Variants in SLC18A1 observed in about 807,000 individuals in gnomAD.
SLC18A1 encodes solute carrier family 18 member A1.
A neutral mutation model predicts 53.7 loss-of-function variants in SLC18A1; 69 were observed. That is an observed-to-expected ratio of 1.28 (90% CI 1.06 to 1.57). SLC18A1 has a LOEUF of 1.57. Ranked by LOEUF, SLC18A1 falls within the 40% of genes most tolerant of loss-of-function variation. SLC18A1 has a pLI of 0.00. For missense variants in SLC18A1, 932 were observed against 668.1 expected, an observed-to-expected ratio of 1.40 and a Z score of -4.35; for synonymous variants, 320 against 248.1, an observed-to-expected ratio of 1.29 and a Z score of -2.72.
chr8:20,176,889 T>C (rs11987726), intron 4 of SLC18A1, among the ~76,000 whole-genome samples: 43,815 of 152,140 alleles, frequency 0.29, 7,118 homozygotes, highest in Non-Finnish European at 0.38. Flanking sequence ...GATATCATGC[T>C]AAAACGTCTC....
intron 10 of SLC18A1, among the ~76,000 whole-genome samples, chr8:20,162,253 C>G (rs544093698): frequency 8.5e-5 from 13 of 152,298 alleles, no homozygotes; most frequent in Admixed American, 7.8e-4. Context: ...ATGGGAAGCA[C>G]AGCTTCGAAG....
intron 10 of SLC18A1, among the ~76,000 whole-genome samples, chr8:20,160,167 TC>T (rs150154388): frequency 0.025 from 3,852 of 151,552 alleles, 181 homozygotes; most frequent in African/African-American, 0.09. Flanking sequence ...GTGTAGGCTA[TC>T]CTGGACAGGT....
At chr8:20,179,013 A>G in intron 3 of SLC18A1, 108 bp downstream of exon 3, 1 of 1,337,888 alleles carries the variant, frequency 7.5e-7, no homozygotes, top group Non-Finnish European at 1.0e-6. Flanking sequence ...TCCCCTGAGG[A>G]ATCATACAAG....
intron 8 of SLC18A1, among the ~76,000 whole-genome samples, chr8:20,167,864 G>A (rs1042611235): frequency 5.9e-5 from 9 of 151,942 alleles, no homozygotes; most frequent in East Asian, 1.9e-4. Context: ...CTCATGATCC[G>A]CCTGCCTCGG....
intron 8 of SLC18A1, among the ~76,000 whole-genome samples, chr8:20,165,768 A>G (rs1458750626): frequency 6.6e-6 from 1 of 152,108 alleles, no homozygotes; most frequent in Non-Finnish European, 1.5e-5. Flanking sequence ...GAGCTTCTCC[A>G]TAGTTCCATG....
At chr8:20,159,664 G>GAAAAAAAAAAAAAAAAA (rs1455777081) in intron 10 of SLC18A1, among the ~76,000 whole-genome samples, 1 of 89,650 alleles carries the variant, frequency 1.1e-5, no homozygotes. Flanking sequence ...AAAAAAAAAA[G>GAAAAAAAAAAAAAAAAA]AAAGAAAAAG....
At chr8:20,146,246 C>T (rs796067487) in intron 15 of SLC18A1, among the ~76,000 whole-genome samples, 7 of 152,258 alleles carry the variant, frequency 4.6e-5, no homozygotes, top group South Asian at 2.1e-4. Context: ...TACCAATCTC[C>T]TCATTCCGTC....
chr8:20,148,947 C>T (rs1209259897), intron 12 of SLC18A1, among the ~76,000 whole-genome samples: 1 of 152,168 alleles, frequency 6.6e-6, no homozygotes, highest in Non-Finnish European at 1.5e-5. Context: ...GGATGCTGAG[C>T]ACACGGAGAT....
chr8:20,182,461 G>A (rs1006477232), intron 1 of SLC18A1, among the ~76,000 whole-genome samples: 3 of 152,106 alleles, frequency 2.0e-5, no homozygotes, highest in Admixed American at 2.0e-4. Context: ...AAATATATGG[G>A]CACATTTTTG....
rs774052479 is a variant in SLC18A1, at chr8:20,173,050, GCCAGGCCCC to G, written c.701_709del (p.Gly234_Leu236del). On this transcript the variant is annotated inframe_deletion, in exon 6 of 16. Coordinates refer to ENST00000276373, the MANE Select transcript of SLC18A1 (RefSeq NM_003053.4). ...GTGCCACTTACCCAGCAACCCCAAG[GCCAGGCCCC>G]CCAGAGCAGTTCCCATGGCTCGTCC... The G allele has an allele frequency of 1.3e-6, 2 of 1,588,874 alleles. No homozygotes were observed. Among genetic ancestry groups the G allele is most frequent in the Non-Finnish European group, 1.7e-6 (2 of 1,167,998 alleles).
At chr8:20,178,119 AT>A (rs1156978026) in intron 4 of SLC18A1, among the ~76,000 whole-genome samples, 9,809 of 85,604 alleles carry the variant, frequency 0.11, 841 homozygotes, top group East Asian at 0.35. Flanking sequence ...ACTGATGCAT[AT>A]AACACACACA....
intron 10 of SLC18A1, among the ~76,000 whole-genome samples, chr8:20,158,044 G>T (rs1428098181): frequency 6.6e-6 from 1 of 152,234 alleles, no homozygotes; most frequent in Non-Finnish European, 1.5e-5. Context: ...GGTCCTCTGA[G>T]TCAGAAGCCA....
At chr8:20,175,647 A>C (rs1246418489) in intron 4 of SLC18A1, 1 of 152,216 alleles carries the variant, frequency 6.6e-6, no homozygotes, top group Non-Finnish European at 1.5e-5. Flanking sequence ...TGGTCAGGGT[A>C]GTTAAGTCCA....
At chr8:20,176,907 C>G (rs2072266112) in intron 4 of SLC18A1, among the ~76,000 whole-genome samples, 1 of 152,172 alleles carries the variant, frequency 6.6e-6, no homozygotes, top group Non-Finnish European at 1.5e-5. Context: ...CTCAGATCCA[C>G]TAGCACACCG....
At chr8:20,173,318 G>A (rs749266428) in intron 5 of SLC18A1, among the ~76,000 whole-genome samples, 190 bp from the exon 6 acceptor site, 1 of 152,138 alleles carries the variant, frequency 6.6e-6, no homozygotes, top group Non-Finnish European at 1.5e-5. Flanking sequence ...CCCCCACATT[G>A]TCCACTCCTG....
intron 10 of SLC18A1, among the ~76,000 whole-genome samples, chr8:20,158,768 T>C (rs777423291): frequency 3.3e-5 from 5 of 152,184 alleles, no homozygotes; most frequent in Non-Finnish European, 7.4e-5. Flanking sequence ...CTAACCCTTA[T>C]ACTCTGCTTT....
intron 10 of SLC18A1, among the ~76,000 whole-genome samples, chr8:20,155,794 G>C (rs144753539): frequency 7.5e-4 from 114 of 152,164 alleles, no homozygotes; most frequent in African/African-American, 2.6e-3. Flanking sequence ...GCTCTACACT[G>C]TGTCCTTAGG....
rs566187173 is a variant in SLC18A1 at position 20,179,350 on chromosome 8, T to G, written c.259A>C (p.Asn87His). 564 of 1,614,146 alleles carry G rather than the reference T, an allele frequency of 3.5e-4. 10 individuals carry two copies. The South Asian group carries it at 6.0e-3, about 17-fold the overall frequency. ...AFSTIFSFFN[N>H]NTVAVEESVP... ...CTTTCTTCAACAGCCACGGTGTTGT[T>G]GTTGAAGAAGGAGAAGATGGTGGAA... The change falls in exon 3 of 16, where the codon AAC becomes CAC. Residue 87 changes from asparagine (N) to histidine (H), a missense_variant. Asn to His is a moderately conservative substitution (Grantham distance 68). Transcript: ENST00000276373.
At chr8:20,165,365 G>T (rs540974251) in intron 8 of SLC18A1, among the ~76,000 whole-genome samples, 1 of 152,182 alleles carries the variant, frequency 6.6e-6, no homozygotes, top group Non-Finnish European at 1.5e-5. Flanking sequence ...TTCCAGCCAT[G>T]GTTCCTGCGT....
Sources: gnomAD v4.1 joint callset for allele counts (sites outside exome capture counted in the v4.1 genomes callset) on GRCh38, gnomAD v4.1.1 for gene constraint, MANE v1.5 for transcripts, NCBI Gene and HGNC (gene_info 2026-07-23, HGNC 2026-07-21) for gene names.